The following LRRIQ1 variants were observed in gnomAD, a reference collection of about 807,000 sequenced individuals.
The protein encoded by LRRIQ1 is leucine-rich repeat- and IQ domain-containing protein 1.
LRRIQ1 carries 210 observed loss-of-function variants against 211.9 expected under a neutral mutation model. The ratio of observed to expected loss-of-function variants is 0.99; its 90% CI spans 0.89 to 1.11. The LOEUF is 1.11. Among genes scored for constraint, LRRIQ1 ranks in the 50% most tolerant of loss-of-function variants. The pLI, the probability that LRRIQ1 is intolerant of heterozygous loss-of-function variation, is 0.00. For missense variants in LRRIQ1, 2,136 were observed against 1,939.5 expected (o/e 1.10, Z -1.90); for synonymous variants, 699 against 650.1 (o/e 1.08, Z -1.14).
chr12:85,177,953 A>G (rs930918130), intron 24 of LRRIQ1, among the ~76,000 whole-genome samples: 3 of 152,104 alleles, frequency 2.0e-5, no homozygotes, highest in Admixed American at 6.6e-5. Context: ...AGTATGTGCA[A>G]CTTGCATCTC....
intron 6 of LRRIQ1, among the ~76,000 whole-genome samples, chr12:85,051,663 A>G (rs1203792099): frequency 6.6e-6 from 1 of 152,168 alleles, no homozygotes; most frequent in African/African-American, 2.4e-5. Context: ...GTGTAAATTT[A>G]TGATAGTGTC....
At chr12:85,079,475 C>T (rs1340000961) in intron 11 of LRRIQ1, among the ~76,000 whole-genome samples, 2 of 151,774 alleles carry the variant, frequency 1.3e-5, no homozygotes, top group Admixed American at 6.6e-5. Flanking sequence ...CGCCTGCCTC[C>T]ACCTCCCAAA....
At chr12:85,236,847 A>ATATATATATATATATC (rs1565921376) in intron 26 of LRRIQ1, among the ~76,000 whole-genome samples, 2 of 145,588 alleles carry the variant, frequency 1.4e-5, no homozygotes, top group Non-Finnish European at 3.0e-5. Context: ...ATATATATAT[A>ATATATATATATATATC]TATATATATC....
At chr12:85,173,793 C>T (rs1254269060) in intron 24 of LRRIQ1, among the ~76,000 whole-genome samples, 2 of 152,078 alleles carry the variant, frequency 1.3e-5, no homozygotes, top group Non-Finnish European at 2.9e-5. Flanking sequence ...CAAATACCAT[C>T]ACATTGGGGG....
intron 26 of LRRIQ1, among the ~76,000 whole-genome samples, chr12:85,236,865 T>TATATC: frequency 1.2e-5 from 1 of 80,666 alleles, no homozygotes; most frequent in East Asian, 3.3e-4. Context: ...ATCTCCCAGA[T>TATATC]TATTTTTACA....
chr12:85,083,086 T>G (rs114965919), intron 11 of LRRIQ1, among the ~76,000 whole-genome samples: 1 of 152,322 alleles, frequency 6.6e-6, no homozygotes, highest in East Asian at 1.9e-4. Flanking sequence ...GATTTAACTT[T>G]CAGCAATGTA....
chr12:85,152,206 A>G (rs139449744), intron 19 of LRRIQ1, 74 bp from the exon 20 acceptor site: 12 of 1,267,808 alleles, frequency 9.5e-6, no homozygotes, highest in South Asian at 8.6e-5. Context: ...TTTGTAGTCT[A>G]TAAGATGAAT....
chr12:85,228,382 A>C (rs534572491), intron 24 of LRRIQ1, among the ~76,000 whole-genome samples: 244 of 152,286 alleles, frequency 1.6e-3, no homozygotes, highest in African/African-American at 5.5e-3. Flanking sequence ...CCCTCATGTG[A>C]AGTAAGTGTT....
chr12:85,270,720 A>G, the LRRIQ1 span, among the ~76,000 whole-genome samples: 1 of 152,112 alleles, frequency 6.6e-6, no homozygotes, highest in Non-Finnish European at 1.5e-5. Flanking sequence ...ATGACCAGGC[A>G]CTGTTCTAAA....
Position 85,056,993 on chromosome 12 carries a change from C to T in LRRIQ1, c.2200C>T (p.Leu734Phe). The T allele has an allele frequency of 6.2e-7, 1 of 1,607,076 alleles. No homozygotes were observed. Among genetic ancestry groups the T allele is most frequent in the East Asian group, 2.2e-5 (1 of 44,792 alleles). The change falls in exon 8 of 27, where the codon CTT becomes TTT. Residue 734 changes from leucine (L) to phenylalanine (F), a missense_variant. Coordinates refer to ENST00000393217, the MANE Select transcript of LRRIQ1 (RefSeq NM_001079910.2). ...SMTCCVSEST[L>F]LYSIEERRLA... is the part of the protein sequence containing the mutation. ...GACCTGCTGTGTATCAGAGTCAACC[C>T]TTCTATATTCTATTGAAGAAAGGAG...
chr12:85,078,777 C>T (rs553315630), intron 11 of LRRIQ1, among the ~76,000 whole-genome samples: 2 of 151,894 alleles, frequency 1.3e-5, no homozygotes, highest in African/African-American at 4.8e-5. Flanking sequence ...TATTGAGGAC[C>T]TCTCTCAAAT....
chr12:85,190,045 T>C (rs1220607248), intron 24 of LRRIQ1, among the ~76,000 whole-genome samples: 3 of 142,146 alleles, frequency 2.1e-5, no homozygotes, highest in African/African-American at 7.6e-5. Flanking sequence ...ATATAACCTA[T>C]ATAACAGTTA....
chr12:85,153,276 A>G, intron 21 of LRRIQ1, 131 bp downstream of exon 21: 1 of 958,938 alleles, frequency 1.0e-6, no homozygotes, highest in East Asian at 2.8e-5. Flanking sequence ...TAGTGTTAAA[A>G]ACATCATGGT....
intron 25 of LRRIQ1, among the ~76,000 whole-genome samples, chr12:85,232,330 C>G (rs1444613438): frequency 6.6e-6 from 1 of 151,912 alleles, no homozygotes; most frequent in African/African-American, 2.4e-5. Flanking sequence ...AAGTAGGAAA[C>G]TTTACTTTTT....
intron 24 of LRRIQ1, among the ~76,000 whole-genome samples, chr12:85,204,689 T>C (rs1021158421): frequency 2.7e-5 from 4 of 149,006 alleles, no homozygotes; most frequent in African/African-American, 1.0e-4. Context: ...GTTTTGGCCA[T>C]TTTCTCCCAT....
At chr12:85,174,139 A>G (rs1891565106) in intron 24 of LRRIQ1, among the ~76,000 whole-genome samples, 1 of 152,122 alleles carries the variant, frequency 6.6e-6, no homozygotes. Context: ...ACCAGATGAA[A>G]AACATCTTCA....
intron 5 of LRRIQ1, among the ~76,000 whole-genome samples, chr12:85,047,015 G>T (rs945456724): frequency 7.0e-6 from 1 of 141,962 alleles, no homozygotes; most frequent in Non-Finnish European, 1.5e-5. Flanking sequence ...GGTTGGGGGA[G>T]GGGGGAGGGA....
intron 17 of LRRIQ1, among the ~76,000 whole-genome samples, chr12:85,127,039 A>C (rs1260838185): frequency 1.3e-5 from 2 of 152,214 alleles, no homozygotes; most frequent in East Asian, 1.9e-4. Context: ...AAAGAGAGTA[A>C]GAGAGAATAG....
downstream of LRRIQ1, among the ~76,000 whole-genome samples, chr12:85,268,581 T>C (rs1400587990): frequency 6.6e-6 from 1 of 151,940 alleles, no homozygotes; most frequent in Non-Finnish European, 1.5e-5. Context: ...AAATTTTAGC[T>C]GTATTAGCCC....
Sources: gnomAD v4.1 joint callset for allele counts (sites outside exome capture counted in the v4.1 genomes callset) on GRCh38, gnomAD v4.1.1 for gene constraint, MANE v1.5 for transcripts, NCBI Gene and HGNC (gene_info 2026-07-23, HGNC 2026-07-21) for gene names.